The following ARHGAP39 variants were observed in gnomAD, a reference collection of about 807,000 sequenced individuals.
The protein encoded by ARHGAP39 is Rho GTPase activating protein 39.
In ARHGAP39, 44 loss-of-function variants were observed where a neutral mutation model predicts 106.9. The ratio of observed to expected loss-of-function variants is 0.41; its 90% CI spans 0.32 to 0.53. The LOEUF is 0.53. Among genes scored for constraint, ARHGAP39 ranks in the 20% least tolerant of loss-of-function variants. The probability of loss-of-function intolerance (pLI) is 0.21; values close to 1 mark genes in which losing one functional copy is unlikely to be tolerated. For synonymous variants in ARHGAP39, 768 were observed against 693.2 expected, an observed-to-expected ratio of 1.11 and a Z score of -1.69; for missense variants, 1,496 against 1,577.3, an observed-to-expected ratio of 0.95 and a Z score of 0.87.
chr8:144,698,175 C>T, the ARHGAP39 span, among the ~76,000 whole-genome samples: 11 of 152,102 alleles, frequency 7.2e-5, no homozygotes, highest in Non-Finnish European at 4.4e-5. Flanking sequence ...TCTATGAATT[C>T]CCCCAAAAGC....
At chr8:144,543,290 C>A (rs1256292130) in intron 6 of ARHGAP39, among the ~76,000 whole-genome samples, 1 of 152,162 alleles carries the variant, frequency 6.6e-6, no homozygotes, top group Non-Finnish European at 1.5e-5. Flanking sequence ...TCTTTCTGAG[C>A]AGCAGCCAGC....
At chr8:144,637,071 C>A (rs1388005846) in intron 1 of ARHGAP39, among the ~76,000 whole-genome samples, 1 of 152,230 alleles carries the variant, frequency 6.6e-6, no homozygotes, top group Non-Finnish European at 1.5e-5. Flanking sequence ...AGTCTGTTTT[C>A]ACACAGTGTG....
chr8:144,684,372 T>C lies in ARHGAP39; in HGVS notation c.-82+1314A>G, dbSNP rs961515388. 2.0e-5 allele frequency among the ~76,000 whole-genome samples: 3 copies of C among 152,228 alleles called. No individual in the cohort carries two copies. Among genetic ancestry groups the C allele is most frequent in the Non-Finnish European group, 2.9e-5 (2 of 68,032 alleles). ...CGCCGACGGAACCACCTGCTGTCTATAGAGGGCACCTAGGACGCAGCGTCC... is the reference window on the plus strand; with the variant it reads ...CGCCGACGGAACCACCTGCTGTCTACAGAGGGCACCTAGGACGCAGCGTCC... On this transcript the variant is annotated intron_variant, in intron 1 of 11. Coordinates refer to ENST00000377307, the MANE Select transcript of ARHGAP39 (RefSeq NM_025251.3). This position sits in a 1 kb window ranked among gnomAD's most constrained non-coding sequence, Gnocchi z 4.4.
chr8:144,538,904 A>G (rs564027793), intron 6 of ARHGAP39, among the ~76,000 whole-genome samples: 1 of 152,240 alleles, frequency 6.6e-6, no homozygotes, highest in African/African-American at 2.4e-5. Flanking sequence ...TTGGGTTATA[A>G]TCCAATGGGT....
intron 2 of ARHGAP39, among the ~76,000 whole-genome samples, chr8:144,600,547 TGA>T (rs1270538567): frequency 2.7e-5 from 4 of 149,582 alleles, no homozygotes; most frequent in African/African-American, 9.9e-5. Flanking sequence ...CTTGTGTACC[TGA>T]GTGTGCGTGT....
chr8:144,596,176 C>T (rs1387058624), intron 2 of ARHGAP39, among the ~76,000 whole-genome samples: 3 of 152,160 alleles, frequency 2.0e-5, no homozygotes, highest in Admixed American at 6.5e-5. Context: ...GCCACCCCGG[C>T]GCTGTCCACC....
chr8:144,600,614 GTGCGTGCGCACTTGGGTACCTACC>G (rs1271034408), intron 2 of ARHGAP39, among the ~76,000 whole-genome samples: 2 of 147,072 alleles, frequency 1.4e-5, no homozygotes, highest in Non-Finnish European at 3.0e-5. Flanking sequence ...TCGTGGAGGC[GTGCGTGCGCACTTGGGTACCTACC>G]TGCGTGTGCA....
chr8:144,681,418 G>A (rs984017347), intron 1 of ARHGAP39, among the ~76,000 whole-genome samples: 1 of 152,192 alleles, frequency 6.6e-6, no homozygotes, highest in African/African-American at 2.4e-5. Flanking sequence ...GTCTTTACAG[G>A]ACACCTGCAA....
At chr8:144,678,271 A>C (rs1441301812) in intron 1 of ARHGAP39, among the ~76,000 whole-genome samples, 2 of 141,072 alleles carry the variant, frequency 1.4e-5, no homozygotes, top group African/African-American at 2.5e-5. Context: ...CTCTCTCTCT[A>C]AAAAAAAAAA....
chr8:144,602,065 G>A (rs547856837), intron 2 of ARHGAP39, among the ~76,000 whole-genome samples: 27 of 138,724 alleles, frequency 1.9e-4, no homozygotes, highest in South Asian at 7.2e-4. Context: ...GCATGCGTGC[G>A]TGCTCATGTA....
At chr8:144,581,484 G>A (rs1287098824) in intron 2 of ARHGAP39, among the ~76,000 whole-genome samples, 4 of 152,382 alleles carry the variant, frequency 2.6e-5, no homozygotes, top group African/African-American at 7.2e-5. Flanking sequence ...GCGCCTCAGG[G>A]TGGTGCAGCC....
chr8:144,577,959 C>T (rs1818835723), intron 3 of ARHGAP39, among the ~76,000 whole-genome samples: 1 of 152,124 alleles, frequency 6.6e-6, no homozygotes, highest in Non-Finnish European at 1.5e-5. Context: ...CCAACACAAT[C>T]CCCCACACAG....
intron 6 of ARHGAP39, among the ~76,000 whole-genome samples, chr8:144,539,549 G>A (rs1817107250): frequency 6.6e-6 from 1 of 152,308 alleles, no homozygotes; most frequent in South Asian, 2.1e-4. Context: ...TTTATATCTT[G>A]GTTTACGAGT....
chr8:144,598,217 C>T (rs1231546067), intron 2 of ARHGAP39, among the ~76,000 whole-genome samples: 2 of 152,116 alleles, frequency 1.3e-5, no homozygotes, highest in East Asian at 3.9e-4. Context: ...GGCCTTTCCG[C>T]GTTGAGTGTA....
intron 3 of ARHGAP39, among the ~76,000 whole-genome samples, chr8:144,574,490 G>A (rs1007622567): frequency 8.5e-5 from 13 of 152,152 alleles, no homozygotes; most frequent in Admixed American, 3.3e-4. Context: ...CTAACACGGT[G>A]CAACCCCATC....
Position 144,530,509 on chromosome 8 carries a change from G to C in ARHGAP39, c.3258C>G (p.Val1086=), listed in dbSNP as rs765654327. The C allele has an allele frequency of 1.1e-5, 18 of 1,612,008 alleles. No individual in the cohort carries two copies. The highest frequency in any genetic ancestry group is 8.3e-5 in the Admixed American group (5 of 59,956). Residue 1086 remains valine (V), a synonymous_variant, in exon 12 of 12, where the codon GTC becomes GTG. Transcript: ENST00000377307. The stretch of plus-strand genomic sequence containing the variant: ...TCTCCTTGCGGGTGTTCTCGAAGAT[G>C]ACGCGCGGGTCGTCGGACTGGCAGC... ...CLRCQSDDPR[V]IFENTRKEMS...
At chr8:144,682,998 C>T (rs1822467108) in intron 1 of ARHGAP39, among the ~76,000 whole-genome samples, 2 of 152,036 alleles carry the variant, frequency 1.3e-5, no homozygotes, top group South Asian at 4.1e-4. Context: ...GCCTGGCCAG[C>T]AGAGTGAGAC....
chr8:144,589,157 AGTGGACACAGAGGCTCTGCGCTG>A (rs1563690548), intron 2 of ARHGAP39, among the ~76,000 whole-genome samples: 2 of 152,262 alleles, frequency 1.3e-5, no homozygotes, highest in African/African-American at 4.8e-5. Flanking sequence ...ACCCTGGTGC[AGTGGACACAGAGGCTCTGCGCTG>A]CCTGTGCCAT....
At chr8:144,601,095 GGT>G (rs765441190) in intron 2 of ARHGAP39, among the ~76,000 whole-genome samples, 13 of 139,890 alleles carry the variant, frequency 9.3e-5, no homozygotes, top group South Asian at 2.4e-4. Context: ...TGTGCGTGGA[GGT>G]GTGTGTGACC....
Sources: gnomAD v4.1 joint callset for allele counts (sites outside exome capture counted in the v4.1 genomes callset) on GRCh38, gnomAD v4.1.1 for gene constraint, Gnocchi (gnomAD v3.1) non-coding constraint, MANE v1.5 for transcripts, NCBI Gene and HGNC (gene_info 2026-07-23, HGNC 2026-07-21) for gene names.